Variants in DDX31 observed in about 807,000 individuals in gnomAD.
DDX31 encodes the protein DEAD-box helicase 31.
Under a neutral mutation model 91.3 loss-of-function variants are expected in DDX31, and 70 were observed. The observed-to-expected ratio is 0.77, with a 90% CI of 0.63 to 0.94. DDX31 has a LOEUF of 0.94. DDX31 is among the 40% of genes least tolerant of loss of function. DDX31 has a pLI of 0.00. For synonymous variants in DDX31, 362 were observed against 350.6 expected (o/e 1.03, Z -0.36); for missense variants, 902 against 925.0 (o/e 0.98, Z 0.32).
Position 132,648,180 on chromosome 9 carries a change from T to C in DDX31, c.967+9A>G, listed in dbSNP as rs192127722. The C allele has an allele frequency of 3.7e-6, 6 of 1,604,406 alleles. No homozygotes were observed. In the African/African-American group the frequency reaches 6.7e-5, roughly 18 times the overall value. ...ACAAAGAAGGACCCATCACTTCTTT[T>C]CAACTCACCTTCTGTGAGTGTCGCT... On this transcript the variant is annotated intron_variant, in intron 11 of 19. Transcript: ENST00000372159.
intron 7 of DDX31, among the ~76,000 whole-genome samples, chr9:132,651,388 T>C (rs549405103): frequency 7.2e-4 from 109 of 152,124 alleles, no homozygotes; most frequent in African/African-American, 2.5e-3. Context: ...ATTCCCAGAG[T>C]GCCACACAGA....
At position 132,645,966 on chromosome 9, in the gene DDX31, C is replaced by T. The variant is rs781463084; in HGVS notation, c.1309G>A (p.Ala437Thr). 7.4e-6 allele frequency: 12 copies of T among 1,613,958 alleles called. No homozygotes were observed. Among genetic ancestry groups the T allele is most frequent in the Non-Finnish European group, 1.0e-5 (12 of 1,179,944 alleles). The change falls in exon 13 of 20, where the codon GCA becomes ACA. Residue 437 changes from alanine to threonine, a missense_variant. Coordinates refer to ENST00000372159, the MANE Select transcript of DDX31 (RefSeq NM_022779.9). ...GAGGCAGATGGCAACTGCCCTGATG[C>T]CGGCGCCCCTGAGCTGCTCAGCAGG... Reference protein sequence around the residue: ...QTLLSSSGAPASGQLPSASMR... With the variant: ...QTLLSSSGAPTSGQLPSASMR...
intron 6 of DDX31, among the ~76,000 whole-genome samples, chr9:132,656,748 C>G (rs1224905516): frequency 6.6e-6 from 1 of 152,312 alleles, no homozygotes; most frequent in African/African-American, 2.4e-5. Context: ...ACTGTATAAG[C>G]CATTCCAGCT....
chr9:132,648,992 T>C (rs1466860570), intron 9 of DDX31, among the ~76,000 whole-genome samples: 2 of 152,208 alleles, frequency 1.3e-5, no homozygotes, highest in South Asian at 2.1e-4. Flanking sequence ...GTAACTTCCA[T>C]TCAACGGGGC....
rs1835019673 is a variant in DDX31, at chr9:132,662,320, C to A, written c.349G>T (p.Val117Leu). Residue 117 changes from valine to leucine, a missense_variant, in exon 3 of 20, where the codon GTG becomes TTG. Val to Leu is a conservative substitution (Grantham distance 32). Transcript: ENST00000372159. ...PELHRPVVKQ[V>L]QEKVFTSAAF... ...GCTGAAGTAAACACTTTTTCTTGCA[C>A]CTGCTTTACCACAGGTCTGCAAATG... 1.2e-6 allele frequency: 2 copies of A among 1,614,094 alleles called. No individual in the cohort carries two copies. Among genetic ancestry groups the A allele is most frequent in the African/African-American group, 1.3e-5 (1 of 74,940 alleles).
intron 16 of DDX31, among the ~76,000 whole-genome samples, chr9:132,628,964 G>C (rs961108316): frequency 1.3e-5 from 2 of 152,254 alleles, no homozygotes; most frequent in African/African-American, 4.8e-5. Context: ...AACAGGGTCA[G>C]GGAGGAAAAG....
At chr9:132,600,698 G>C (rs1830680120) in intron 19 of DDX31, among the ~76,000 whole-genome samples, 1 of 152,260 alleles carries the variant, frequency 6.6e-6, no homozygotes, top group South Asian at 2.1e-4. Context: ...TTTAGCCCAG[G>C]TGACCAAAAC....
At chr9:132,624,407 TCA>T (rs1390241400) in intron 17 of DDX31, among the ~76,000 whole-genome samples, 1 of 152,164 alleles carries the variant, frequency 6.6e-6, no homozygotes, top group Non-Finnish European at 1.5e-5. Flanking sequence ...CTTTTATTGT[TCA>T]CAGGGATCTT....
chr9:132,663,678 T>G (rs1192419995), intron 1 of DDX31, among the ~76,000 whole-genome samples: 1 of 152,242 alleles, frequency 6.6e-6, no homozygotes, highest in African/African-American at 2.4e-5. Context: ...GACTTGGTTT[T>G]ACATGTCGGC....
intron 5 of DDX31, 142 bp downstream of exon 5, chr9:132,659,568 G>T (rs1330087309): frequency 1.5e-6 from 1 of 679,174 alleles, no homozygotes. Context: ...ACACATTCAG[G>T]GCTCTAATCA....
At chr9:132,658,386 T>TA (rs1834710146) in intron 6 of DDX31, 2 of 702,842 alleles carry the variant, frequency 2.8e-6, no homozygotes, top group African/African-American at 1.7e-5. Flanking sequence ...AGAGAGCAGT[T>TA]AAAGATTCAA....
intron 7 of DDX31, 23 bp from the exon 8 acceptor site, chr9:132,651,139 A>G: frequency 6.3e-7 from 1 of 1,593,456 alleles, no homozygotes; most frequent in Non-Finnish European, 8.6e-7. Context: ...TAAAAGTTAT[A>G]GATGATGAAC....
chr9:132,626,018 T>C (rs1248201617), intron 16 of DDX31, among the ~76,000 whole-genome samples: 1 of 152,198 alleles, frequency 6.6e-6, no homozygotes, highest in Non-Finnish European at 1.5e-5. Context: ...GATTATGTCA[T>C]TATTTCTTAA....
At chr9:132,597,327 A>G (rs1427231638) in intron 19 of DDX31, among the ~76,000 whole-genome samples, 2 of 152,134 alleles carry the variant, frequency 1.3e-5, no homozygotes, top group African/African-American at 2.4e-5. Context: ...GGTTGGGCGC[A>G]CTCAACTTGT....
At chr9:132,631,905 A>C (rs1170039465) in intron 15 of DDX31, 136 bp downstream of exon 15, 2 of 733,180 alleles carry the variant, frequency 2.7e-6, no homozygotes, top group Non-Finnish European at 2.2e-6. Flanking sequence ...AATTGAACAG[A>C]TAAGGCTGGT....
chr9:132,638,954 A>G lies in DDX31; in HGVS notation c.1440+3050T>C, dbSNP rs549199596. ...GCAAAAGGCACAGTATAAAGGGGGG[A>G]AAATCCCCATGTAACGATTAACAGC... On this transcript the variant is annotated intron_variant, in intron 14 of 19. Transcript: ENST00000372159. Among the ~76,000 whole-genome samples, 6 of 152,276 alleles carry G rather than the reference A, an allele frequency of 3.9e-5. No homozygotes were observed. The South Asian group carries it at 8.3e-4, about 21-fold the overall frequency.
rs1350864809 is a variant in DDX31, at chr9:132,655,855, A to G, written c.588+2816T>C. On this transcript the variant is annotated intron_variant, in intron 6 of 19. Coordinates refer to ENST00000372159, the MANE Select transcript of DDX31 (RefSeq NM_022779.9). Reference sequence around the variant, plus strand: ...GGTTTTCGTGTTTTGCATAAGAAACATTTACCCAAAAGAAGAAAAGGATTT... The same window carrying G: ...GGTTTTCGTGTTTTGCATAAGAAACGTTTACCCAAAAGAAGAAAAGGATTT... 7.2e-5 allele frequency among the ~76,000 whole-genome samples: 11 copies of G among 152,212 alleles called. No homozygotes were observed. In the East Asian group the frequency reaches 2.1e-3, roughly 29 times the overall value.
intron 5 of DDX31, among the ~76,000 whole-genome samples, 157 bp downstream of exon 5, chr9:132,659,553 T>C (rs1590098785): frequency 6.6e-6 from 1 of 152,180 alleles, no homozygotes; most frequent in East Asian, 1.9e-4. Context: ...CCTTTCATTA[T>C]GTGAACACAT....
At chr9:132,615,808 T>C (rs781563221) in intron 18 of DDX31, among the ~76,000 whole-genome samples, 2 of 152,240 alleles carry the variant, frequency 1.3e-5, no homozygotes, top group East Asian at 3.8e-4. Flanking sequence ...AAGGGGTAAC[T>C]GCTTCTGGAA....
Sources: gnomAD v4.1 joint callset for allele counts (sites outside exome capture counted in the v4.1 genomes callset) on GRCh38, gnomAD v4.1.1 for gene constraint, MANE v1.5 for transcripts, NCBI Gene and HGNC (gene_info 2026-07-23, HGNC 2026-07-21) for gene names.